CLASP2: variants seen among roughly 807,000 people sequenced by gnomAD.
CLASP2 encodes the protein cytoplasmic linker associated protein 2.
Under a neutral mutation model 194.4 loss-of-function variants are expected in CLASP2, and 47 were observed. The ratio of observed to expected loss-of-function variants is 0.24; its 90% CI spans 0.19 to 0.31. The LOEUF is 0.31. Ranked by LOEUF, CLASP2 falls within the 10% of genes least tolerant of loss-of-function variation. CLASP2 has a pLI of 1.00. For synonymous variants in CLASP2, 619 were observed against 633.5 expected, an observed-to-expected ratio of 0.98 and a Z score of 0.34; for missense variants, 1,445 against 1,823.6, an observed-to-expected ratio of 0.79 and a Z score of 3.78.
At chr3:33,668,907 T>G (rs191244995) in intron 6 of CLASP2, among the ~76,000 whole-genome samples, 1 of 152,252 alleles carries the variant, frequency 6.6e-6, no homozygotes. Flanking sequence ...GAGGGAGAAA[T>G]GGTAAGAATG....
chr3:33,551,485 G>GT, intron 29 of CLASP2, 90 bp from the exon 30 acceptor site: 1 of 1,068,626 alleles, frequency 9.4e-7, no homozygotes, highest in Non-Finnish European at 1.3e-6. Context: ...TGATGATGAT[G>GT]ATTTTTTTTT....
chr3:33,710,164 A>G (rs1452857775), intron 1 of CLASP2, among the ~76,000 whole-genome samples: 1 of 152,080 alleles, frequency 6.6e-6, no homozygotes, highest in African/African-American at 2.4e-5. Context: ...CATGATTCCT[A>G]ATGGTGAGAT....
At chr3:33,645,043 A>T in intron 7 of CLASP2, 140 bp from the exon 8 acceptor site, 4 of 848,774 alleles carry the variant, frequency 4.7e-6, no homozygotes, top group Non-Finnish European at 7.5e-6. Flanking sequence ...TCCTTTGAAT[A>T]AGCATTTATA....
At chr3:33,540,079 C>A (rs1483623472) in intron 32 of CLASP2, among the ~76,000 whole-genome samples, 2 of 151,832 alleles carry the variant, frequency 1.3e-5, no homozygotes, top group African/African-American at 2.4e-5. Context: ...CAGGCTCCTG[C>A]CACCACATCA....
intron 37 of CLASP2, chr3:33,504,415 G>C (rs2047586139): frequency 6.6e-6 from 1 of 152,176 alleles, no homozygotes; most frequent in African/African-American, 2.4e-5. Context: ...GTTAGCCAGT[G>C]ACCTGACAGA....
At chr3:33,703,769 C>A (rs944467441) in intron 1 of CLASP2, among the ~76,000 whole-genome samples, 2 of 152,202 alleles carry the variant, frequency 1.3e-5, no homozygotes, top group East Asian at 3.8e-4. Flanking sequence ...TACAGGCATG[C>A]ACCACCATGC....
chr3:33,502,992 T>A (rs1362692700), intron 37 of CLASP2: 1 of 152,176 alleles, frequency 6.6e-6, no homozygotes, highest in Non-Finnish European at 1.5e-5. Flanking sequence ...TCCTCCCCAA[T>A]AACCTCCTTC....
At position 33,596,321 on chromosome 3, in the gene CLASP2, T is replaced by C. The variant is rs112544931; in HGVS notation, c.1948+390A>G. ...AACAATCATATGAACTTACGAAATA[T>C]GTCATTTGTCATATCACTTAATAGA... is the stretch of plus-strand genomic sequence containing the variant. On this transcript the variant is annotated intron_variant, in intron 19 of 38. Transcript: ENST00000682230. Among the ~76,000 whole-genome samples the C allele has an allele frequency of 7.9e-5, 12 of 152,258 alleles. No homozygotes were observed. In the East Asian group the frequency reaches 1.2e-3, roughly 15 times the overall value.
At chr3:33,590,340 T>G (rs1034181977) in intron 21 of CLASP2, among the ~76,000 whole-genome samples, 1 of 152,172 alleles carries the variant, frequency 6.6e-6, no homozygotes, top group Non-Finnish European at 1.5e-5. Context: ...TAAACCAGTA[T>G]GTACTTCTCA....
chr3:33,561,368 A>T (rs2061768018), intron 27 of CLASP2, among the ~76,000 whole-genome samples: 1 of 150,232 alleles, frequency 6.7e-6, no homozygotes, highest in African/African-American at 2.4e-5. Flanking sequence ...TGAGTAAATG[A>T]GAAGATGACT....
At chr3:33,715,888 G>C (rs2125455012) in intron 1 of CLASP2, among the ~76,000 whole-genome samples, 1 of 149,012 alleles carries the variant, frequency 6.7e-6, no homozygotes, top group East Asian at 2.0e-4. Context: ...TTACCCAGTT[G>C]GGTAACTTAG....
At position 33,559,507 on chromosome 3, in the gene CLASP2, C is replaced by A. The variant is rs372452946; in HGVS notation, c.2931-122G>T. 7.0e-5 allele frequency: 45 copies of A among 642,062 alleles called. No individual in the cohort carries two copies. In the East Asian group the frequency reaches 7.3e-4, roughly 10 times the overall value. 39.8% of individuals were successfully genotyped at this position (642,062 alleles called of 1,614,324 possible). The stretch of plus-strand genomic sequence containing the variant: ...CCAAAAAACATCCATGAAGTAGTAT[C>A]TGCATGTGGTATAAACTACCTGGTA... On this transcript the variant is annotated intron_variant, in intron 28 of 38. Coordinates refer to ENST00000682230, the MANE Select transcript of CLASP2 (RefSeq NM_001365631.1).
intron 10 of CLASP2, among the ~76,000 whole-genome samples, chr3:33,626,572 T>G (rs2078086331): frequency 6.6e-6 from 1 of 152,116 alleles, no homozygotes; most frequent in Non-Finnish European, 1.5e-5. Context: ...TAAATGCATA[T>G]CCTGTTGTGA....
rs918608410 is a variant in CLASP2 at position 33,498,293 on chromosome 3, G to A, written c.*338C>T. The stretch of plus-strand genomic sequence containing the variant: ...AGCTTTAAGCATTCCTGTTTAACCA[G>A]CATTTAAAAAAATTTATACAATCAT... On this transcript the variant is annotated 3_prime_UTR_variant, in exon 39 of 39. Coordinates refer to ENST00000682230, the MANE Select transcript of CLASP2 (RefSeq NM_001365631.1). 5.4e-6 allele frequency: 1 copy of A among 184,096 alleles called. No individual in the cohort carries two copies. Among genetic ancestry groups the A allele is most frequent in the African/African-American group, 2.3e-5 (1 of 42,680 alleles). The allele number at this position is 184,096 out of a possible 1,614,324, so 11.4% of individuals were successfully genotyped here.
chr3:33,667,140 G>A lies in CLASP2; in HGVS notation c.645-3625C>T, dbSNP rs535829288. On this transcript the variant is annotated intron_variant, in intron 6 of 38. Transcript: ENST00000682230. The stretch of plus-strand genomic sequence containing the variant: ...AAGATATTTGATTTTGGCCAGGTAC[G>A]GTGGCTCATGCCTGTAATCCCAGCA... Among the ~76,000 whole-genome samples, 5 of 152,110 alleles carry A rather than the reference G, an allele frequency of 3.3e-5. No homozygotes were observed. In the East Asian group the frequency reaches 5.8e-4, roughly 18 times the overall value.
At chr3:33,574,427 A>G (rs1473910499) in intron 24 of CLASP2, 2 of 1,273,084 alleles carry the variant, frequency 1.6e-6, no homozygotes, top group Non-Finnish European at 2.1e-6. Flanking sequence ...TGAAAGAAAA[A>G]AAAGTTATGG....
At chr3:33,566,110 A>G (rs1363739075) in intron 27 of CLASP2, among the ~76,000 whole-genome samples, 1 of 152,196 alleles carries the variant, frequency 6.6e-6, no homozygotes, top group Non-Finnish European at 1.5e-5. Flanking sequence ...TGATTGCCCT[A>G]ACACAAAGGG....
chr3:33,582,997 C>T (rs561686377), intron 22 of CLASP2, among the ~76,000 whole-genome samples: 4 of 152,170 alleles, frequency 2.6e-5, no homozygotes, highest in Non-Finnish European at 5.9e-5. Context: ...TTTCAAAAAG[C>T]TTGACTCCTA....
At chr3:33,602,168 C>T (rs1004036423) in intron 18 of CLASP2, among the ~76,000 whole-genome samples, 1 of 152,070 alleles carries the variant, frequency 6.6e-6, no homozygotes, top group African/African-American at 2.4e-5. Flanking sequence ...CATGAGCCAC[C>T]ATGCCCGGCT....
Sources: gnomAD v4.1 joint callset for allele counts (sites outside exome capture counted in the v4.1 genomes callset) on GRCh38, gnomAD v4.1.1 for gene constraint, MANE v1.5 for transcripts, NCBI Gene and HGNC (gene_info 2026-07-23, HGNC 2026-07-21) for gene names.